Variants in TBC1D22B observed in about 807,000 individuals in gnomAD.
The protein encoded by TBC1D22B is TBC1 domain family member 22B.
In TBC1D22B, 32 loss-of-function variants were observed where a neutral mutation model predicts 69.1. The observed-to-expected ratio is 0.46, with a 90% confidence interval of 0.35 to 0.62. The LOEUF (loss-of-function observed/expected upper bound fraction) is 0.62, where lower values mean the gene tolerates loss of function less well. Among genes scored for constraint, TBC1D22B ranks in the 20% least tolerant of loss-of-function variants. The pLI is 0.00. For synonymous variants in TBC1D22B, 206 were observed against 229.8 expected (o/e 0.90, Z 0.94); for missense variants, 462 against 630.9 (o/e 0.73, Z 2.87).
intron 6 of TBC1D22B, among the ~76,000 whole-genome samples, chr6:37,285,715 A>T (rs1448004747): frequency 6.6e-6 from 1 of 151,328 alleles, no homozygotes; most frequent in Non-Finnish European, 1.5e-5. Flanking sequence ...CTGGTCTTGA[A>T]CTCCTGGCCT....
chr6:37,283,783 C>T (rs566055810), intron 5 of TBC1D22B, among the ~76,000 whole-genome samples: 66 of 152,274 alleles, frequency 4.3e-4, no homozygotes, highest in African/African-American at 1.5e-3. Context: ...TTGGCTAGGC[C>T]GGGGGCTGCT....
intron 1 of TBC1D22B, 79 bp downstream of exon 1, chr6:37,258,052 G>T: frequency 2.0e-6 from 3 of 1,514,910 alleles, no homozygotes; most frequent in Non-Finnish European, 2.7e-6. Flanking sequence ...CGCGGGCCTG[G>T]GGCGCCACAG....
chr6:37,325,702 A>G (rs1768374967), intron 12 of TBC1D22B, among the ~76,000 whole-genome samples: 1 of 152,030 alleles, frequency 6.6e-6, no homozygotes, highest in Non-Finnish European at 1.5e-5. Flanking sequence ...GGGGCACGCC[A>G]TGACGCCCAG....
At chr6:37,261,958 T>A (rs1766114215) in intron 1 of TBC1D22B, among the ~76,000 whole-genome samples, 1 of 43,738 alleles carries the variant, frequency 2.3e-5, no homozygotes, top group Non-Finnish European at 4.5e-5. Context: ...TGTGTGTGTG[T>A]GTGTGTGTGT....
In TBC1D22B at chr6:37,282,182, C is replaced by T; in HGVS notation, c.422-3C>T. The T allele has an allele frequency of 6.2e-7, 1 of 1,614,042 alleles. No individual in the cohort carries two copies. ...GTTCTCTTTCTTTTTCAAATGATCT[C>T]AGGTGATACATGCCTGAGGAACCCA... On this transcript the variant is annotated splice_region_variant and splice_polypyrimidine_tract_variant and intron_variant, in intron 3 of 12. Coordinates refer to ENST00000373491, the MANE Select transcript of TBC1D22B (RefSeq NM_017772.4).
At position 37,282,114 on chromosome 6, in the gene TBC1D22B, T is replaced by C. The variant is rs1222683782; in HGVS notation, c.422-71T>C. On this transcript the variant is annotated intron_variant, in intron 3 of 12. Transcript: ENST00000373491. ...GGGGAGGAAACACAATGCTGAACGG[T>C]TAGGTTTAAGGCTTCTCAGAATCCA... 6 of 1,539,998 alleles carry C rather than the reference T, an allele frequency of 3.9e-6. No homozygotes were observed. In the African/African-American group the frequency reaches 8.2e-5, roughly 21 times the overall value.
intron 8 of TBC1D22B, among the ~76,000 whole-genome samples, chr6:37,304,533 A>G (rs1359157637): frequency 6.6e-6 from 1 of 152,232 alleles, no homozygotes; most frequent in Non-Finnish European, 1.5e-5. Context: ...ACCAAAAAAT[A>G]TATATATTGT....
chr6:37,296,557 C>T (rs140407869), intron 8 of TBC1D22B, among the ~76,000 whole-genome samples: 103 of 152,068 alleles, frequency 6.8e-4, no homozygotes, highest in African/African-American at 1.9e-3. Context: ...GCCACATTGC[C>T]GAGGCTCGTC....
chr6:37,269,736 T>G (rs1168350793), intron 2 of TBC1D22B, 86 bp downstream of exon 2: 2 of 1,326,818 alleles, frequency 1.5e-6, no homozygotes, highest in Non-Finnish European at 2.2e-6. Context: ...GTTTCCACCT[T>G]GACATTTTTT....
intron 2 of TBC1D22B, among the ~76,000 whole-genome samples, chr6:37,273,961 G>A (rs764460289): frequency 6.6e-6 from 1 of 152,178 alleles, no homozygotes; most frequent in Non-Finnish European, 1.5e-5. Flanking sequence ...AACTGCACAA[G>A]CACAGTAAGT....
intron 8 of TBC1D22B, among the ~76,000 whole-genome samples, chr6:37,311,633 A>G (rs562598547): frequency 2.0e-5 from 3 of 152,120 alleles, no homozygotes; most frequent in Non-Finnish European, 4.4e-5. Flanking sequence ...AGATCGTGCC[A>G]CTGCACTCCA....
In TBC1D22B at chr6:37,313,316, C is replaced by T. The variant is rs1026812715; in HGVS notation, c.1089+292C>T. ...ACCAGCCTAGGCAACATAGAGAGAC[C>T]CCTTCTCTACAAAAAATTTTAAAAT... On this transcript the variant is annotated intron_variant, in intron 9 of 12. Coordinates refer to ENST00000373491, the MANE Select transcript of TBC1D22B (RefSeq NM_017772.4). Among the ~76,000 whole-genome samples the T allele has an allele frequency of 3.3e-5, 5 of 152,076 alleles. 1 individual carries two copies. Among genetic ancestry groups the T allele is most frequent in the Admixed American group, 3.3e-4 (5 of 15,270 alleles).
intron 1 of TBC1D22B, among the ~76,000 whole-genome samples, chr6:37,268,315 C>T (rs1002314810): frequency 3.3e-5 from 5 of 152,108 alleles, no homozygotes; most frequent in Non-Finnish European, 7.4e-5. Context: ...GCAGCCTGGA[C>T]CCTCCTGGGG....
At chr6:37,280,044 G>A (rs1766778312) in intron 3 of TBC1D22B, among the ~76,000 whole-genome samples, 1 of 152,238 alleles carries the variant, frequency 6.6e-6, no homozygotes, top group South Asian at 2.1e-4. Context: ...ACAGCCACTA[G>A]CATAAGGTTG....
intron 1 of TBC1D22B, among the ~76,000 whole-genome samples, chr6:37,264,880 T>C (rs1053389630): frequency 3.3e-5 from 5 of 152,160 alleles, no homozygotes; most frequent in Non-Finnish European, 7.4e-5. Context: ...AGATCAGTCT[T>C]TCTTAGAGCT....
At position 37,286,944 on chromosome 6, in the gene TBC1D22B, C is replaced by CAAAAA. The variant is rs372046079; in HGVS notation, c.802-60_802-56dup. ...GGGGGACAAGAGCGAGACTTCATCT[C>CAAAAA]AAAAAAACAAAAACAAAAAAAAACT... is the stretch of plus-strand genomic sequence containing the variant. On this transcript the variant is annotated intron_variant, in intron 6 of 12. Coordinates refer to ENST00000373491, the MANE Select transcript of TBC1D22B (RefSeq NM_017772.4). 4.5e-5 allele frequency: 68 copies of CAAAAA among 1,502,492 alleles called. No individual in the cohort carries two copies. The African/African-American group carries it at 8.6e-4, about 19-fold the overall frequency. 93.1% of individuals were successfully genotyped at this position (1,502,492 alleles called of 1,614,324 possible).
chr6:37,285,520 T>G (rs1766981705), intron 6 of TBC1D22B, among the ~76,000 whole-genome samples: 1 of 151,694 alleles, frequency 6.6e-6, no homozygotes, highest in Non-Finnish European at 1.5e-5. Flanking sequence ...TGAGACCGAG[T>G]CTTTTTCTGT....
chr6:37,299,781 A>G (rs1257579251), intron 8 of TBC1D22B, among the ~76,000 whole-genome samples: 1 of 152,132 alleles, frequency 6.6e-6, no homozygotes, highest in Non-Finnish European at 1.5e-5. Flanking sequence ...AGGCTGAGAC[A>G]GGCGGATCAC....
intron 8 of TBC1D22B, among the ~76,000 whole-genome samples, chr6:37,293,084 A>AT (rs1164959921): frequency 1.1e-3 from 158 of 143,462 alleles, no homozygotes; most frequent in Non-Finnish European, 1.9e-3. Context: ...TATTATTATT[A>AT]TTTTTTTTTT....
Sources: allele counts gnomAD v4.1 joint callset (sites outside exome capture counted in the v4.1 genomes callset), GRCh38; gene constraint gnomAD v4.1.1; transcripts MANE v1.5; gene names NCBI Gene and HGNC (gene_info 2026-07-23, HGNC 2026-07-21).